XXYLT1: variants seen among roughly 807,000 people sequenced by gnomAD.
The protein encoded by XXYLT1 is UDP-xylose:alpha-xyloside alpha-1,3-xylosyltransferase.
Under a neutral mutation model 28.9 loss-of-function variants are expected in XXYLT1, and 20 were observed. The ratio of observed to expected loss-of-function variants is 0.69; its 90% CI spans 0.49 to 1.00. The LOEUF (loss-of-function observed/expected upper bound fraction) is 1.00, where lower values mean the gene tolerates loss of function less well. Ranked by LOEUF, XXYLT1 falls within the 50% of genes least tolerant of loss-of-function variation. The pLI is 0.00. For missense variants in XXYLT1, 542 were observed against 560.1 expected (o/e 0.97, Z 0.33); for synonymous variants, 257 against 253.8 (o/e 1.01, Z -0.12).
In XXYLT1 at chr3:195,127,140, G is replaced by A. The variant is rs80321520; in HGVS notation, c.785+29309C>T. Among the ~76,000 whole-genome samples the A allele has an allele frequency of 1.9e-3, 296 of 152,254 alleles. 4 individuals carry two copies. Among genetic ancestry groups the A allele is most frequent in the African/African-American group, 5.1e-3 (210 of 41,548 alleles). ...GCGTTCTAGAAGAGTCTTCGCTTTG[G>A]GAAAAGCCTTCTCCAACACAGCTCC... On this transcript the variant is annotated intron_variant, in intron 3 of 3. Transcript: ENST00000310380.
chr3:195,235,921 CATAGACATAGACAT>C (rs1724519813), intron 1 of XXYLT1, among the ~76,000 whole-genome samples: 2 of 147,314 alleles, frequency 1.4e-5, no homozygotes, highest in African/African-American at 2.7e-5. Flanking sequence ...TAGACATAGA[CATAGACATAGACAT>C]AGACATAGAC....
intron 1 of XXYLT1, chr3:195,247,673 A>T (rs1725083780): frequency 1.7e-6 from 1 of 594,760 alleles, no homozygotes; most frequent in South Asian, 1.9e-5. Flanking sequence ...CTCCGACCCC[A>T]GGGCAGGCTC....
intron 2 of XXYLT1, among the ~76,000 whole-genome samples, chr3:195,158,709 C>A (rs1190277148): frequency 6.6e-6 from 1 of 152,264 alleles, no homozygotes; most frequent in Non-Finnish European, 1.5e-5. Flanking sequence ...CCTTTCTATT[C>A]CCGGAGGCCA....
intron 2 of XXYLT1, among the ~76,000 whole-genome samples, chr3:195,163,060 T>C (rs1720953097): frequency 6.6e-6 from 1 of 152,206 alleles, no homozygotes; most frequent in East Asian, 1.9e-4. Flanking sequence ...TGGACTCTGT[T>C]CACAACAGTT....
chr3:195,156,444 C>G lies in XXYLT1; in HGVS notation c.785+5G>C. On this transcript the variant is annotated splice_donor_5th_base_variant and intron_variant, in intron 3 of 3. Coordinates refer to ENST00000310380, the MANE Select transcript of XXYLT1 (RefSeq NM_152531.5). ...GGAGGCGGCCCCCCTGCAGTCATGA[C>G]GCACCTGTAAACTGGCTGCATCTCC... is the stretch of plus-strand genomic sequence containing the variant. 6.2e-7 allele frequency: 1 copy of G among 1,613,282 alleles called. No individual in the cohort carries two copies. Among genetic ancestry groups the G allele is most frequent in the Non-Finnish European group, 8.5e-7 (1 of 1,179,680 alleles).
intron 3 of XXYLT1, among the ~76,000 whole-genome samples, chr3:195,087,771 C>T (rs751359621): frequency 2.2e-4 from 33 of 152,132 alleles, no homozygotes; most frequent in Non-Finnish European, 3.7e-4. Context: ...TCTGAGGTAC[C>T]GGGTTCATCT....
At chr3:195,183,666 C>G (rs1215115523) in intron 2 of XXYLT1, 2 of 152,174 alleles carry the variant, frequency 1.3e-5, no homozygotes, top group African/African-American at 4.8e-5. Context: ...TTTCAGGAAT[C>G]CAGGGGACTC....
intron 3 of XXYLT1, among the ~76,000 whole-genome samples, chr3:195,118,386 C>G (rs1398651819): frequency 6.6e-6 from 1 of 152,204 alleles, no homozygotes; most frequent in Admixed American, 6.5e-5. Flanking sequence ...GTGGCCACCA[C>G]TAGCGTGACT....
At chr3:195,250,845 A>G (rs1442938302) in intron 1 of XXYLT1, among the ~76,000 whole-genome samples, 2 of 152,196 alleles carry the variant, frequency 1.3e-5, no homozygotes, top group Non-Finnish European at 2.9e-5. Flanking sequence ...GTTCATTGAT[A>G]CACCCAAGTT....
Position 195,157,242 on chromosome 3 carries a change from C to CAA in XXYLT1, c.653-663_653-662dup, listed in dbSNP as rs34312884. Among the ~76,000 whole-genome samples the CAA allele has an allele frequency of 9.2e-3, 676 of 73,120 alleles. 4 individuals carry two copies. Among genetic ancestry groups the CAA allele is most frequent in the Non-Finnish European group, 0.013 (523 of 39,506 alleles). 48.0% of individuals were successfully genotyped at this position (73,120 alleles called of 152,430 possible). A position where few individuals can be genotyped will look rare whatever the true frequency, so the allele number is the denominator to read the frequency against. Reference sequence around the variant, plus strand: ...TGGGCAACAGAGCAAGGCGCCATCTCAAAAAAAAAAAAAAAAAAAAAAAAC... The same window carrying CAA: ...TGGGCAACAGAGCAAGGCGCCATCTCAAAAAAAAAAAAAAAAAAAAAAAAAAC... On this transcript the variant is annotated intron_variant, in intron 2 of 3. Coordinates refer to ENST00000310380, the MANE Select transcript of XXYLT1 (RefSeq NM_152531.5).
chr3:195,104,769 A>C (rs764023034), intron 3 of XXYLT1, among the ~76,000 whole-genome samples: 2 of 152,248 alleles, frequency 1.3e-5, no homozygotes, highest in Non-Finnish European at 2.9e-5. Context: ...TAACAACAAC[A>C]ACAAAATGCT....
At chr3:195,260,956 C>CT (rs969824476) in intron 1 of XXYLT1, among the ~76,000 whole-genome samples, 8 of 152,166 alleles carry the variant, frequency 5.3e-5, no homozygotes, top group African/African-American at 1.9e-4. Context: ...GTCAGGTGGG[C>CT]TACAGCCCTG....
At chr3:195,101,520 C>T (rs2108677166) in intron 3 of XXYLT1, among the ~76,000 whole-genome samples, 1 of 152,310 alleles carries the variant, frequency 6.6e-6, no homozygotes, top group East Asian at 1.9e-4. Flanking sequence ...GTCCCAGGGA[C>T]ATTCCTTTTG....
chr3:195,116,436 C>T (rs913213176), intron 3 of XXYLT1, among the ~76,000 whole-genome samples: 1 of 152,162 alleles, frequency 6.6e-6, no homozygotes, highest in African/African-American at 2.4e-5. Context: ...CCATGAACTA[C>T]ACTTTGAGTA....
chr3:195,245,669 G>A (rs1028504030), intron 1 of XXYLT1, among the ~76,000 whole-genome samples: 3 of 152,202 alleles, frequency 2.0e-5, no homozygotes, highest in African/African-American at 7.2e-5. Flanking sequence ...GATTCGCAAC[G>A]CCGGACTGGG....
At chr3:195,096,233 G>A (rs796819677) in intron 3 of XXYLT1, among the ~76,000 whole-genome samples, 7 of 152,306 alleles carry the variant, frequency 4.6e-5, no homozygotes, top group African/African-American at 1.7e-4. Context: ...CCACCTAGGG[G>A]AGATTGGAGG....
chr3:195,242,260 C>T (rs1406606938), intron 1 of XXYLT1, among the ~76,000 whole-genome samples: 1 of 152,190 alleles, frequency 6.6e-6, no homozygotes, highest in Non-Finnish European at 1.5e-5. Context: ...CCAGCCCTCA[C>T]CCAAAGAGAG....
At chr3:195,154,799 G>C (rs946279108) in intron 3 of XXYLT1, among the ~76,000 whole-genome samples, 2 of 152,156 alleles carry the variant, frequency 1.3e-5, no homozygotes, top group African/African-American at 4.8e-5. Context: ...TTTCTCTCCT[G>C]CTCTAAAACT....
At chr3:195,112,425 CAT>C (rs1183891841) in intron 3 of XXYLT1, among the ~76,000 whole-genome samples, 19 of 113,518 alleles carry the variant, frequency 1.7e-4, no homozygotes, top group East Asian at 5.8e-4. Flanking sequence ...CACACACACA[CAT>C]GCACACACAC....
Sources: allele counts gnomAD v4.1 joint callset (sites outside exome capture counted in the v4.1 genomes callset), GRCh38; gene constraint gnomAD v4.1.1; transcripts MANE v1.5; gene names NCBI Gene and HGNC (gene_info 2026-07-23, HGNC 2026-07-21).